Variants in DOT1L observed in about 807,000 individuals in gnomAD.
DOT1L encodes DOT1 like histone lysine methyltransferase.
DOT1L carries 33 observed loss-of-function variants against 153.3 expected under a neutral mutation model. That is an observed-to-expected ratio of 0.22 (90% CI 0.16 to 0.29). The LOEUF is 0.29. Ranked by LOEUF, DOT1L falls within the 10% of genes least tolerant of loss-of-function variation. The pLI is 1.00. For missense variants in DOT1L, 1,847 were observed against 2,119.9 expected (o/e 0.87, Z 2.53); for synonymous variants, 1,135 against 965.1 (o/e 1.18, Z -3.26).
intron 8 of DOT1L, 83 bp downstream of exon 8, chr19:2,200,022 G>A (rs769554256): frequency 2.0e-5 from 31 of 1,542,332 alleles, no homozygotes; most frequent in African/African-American, 4.1e-5. Context: ...GACCGGGAGC[G>A]GCCCCTCGCT....
In DOT1L at chr19:2,204,297, G is replaced by T. The variant is rs1401055251; in HGVS notation, c.787+1518G>T. On this transcript the variant is annotated intron_variant, in intron 9 of 27. Transcript: ENST00000398665. The surrounding 1 kb of genome is among the most constrained non-coding windows in gnomAD (Gnocchi z 5.7). ...TATGTGTCTGCTTGTTTGTCTGTGT[G>T]TGTGCATGCATGCCTGTGTCTCTCT... 2.0e-5 allele frequency among the ~76,000 whole-genome samples: 3 copies of T among 152,062 alleles called. No homozygotes were observed. The highest frequency in any genetic ancestry group is 4.4e-5 in the Non-Finnish European group (3 of 68,018).
At chr19:2,223,557 T>C in intron 25 of DOT1L, 71 bp downstream of exon 25, 1 of 14,468 alleles carries the variant, frequency 6.9e-5, no homozygotes, top group Non-Finnish European at 1.4e-4. Flanking sequence ...ACTGTGTGTG[T>C]GTGGGTGGGT....
Position 2,204,876 on chromosome 19 carries a change from T to C in DOT1L, c.788-1853T>C, listed in dbSNP as rs964034016. ...TTCCTGCTCCTCCTGAGGGGAGTGG[T>C]GTGTAGAATGCCAGGCCTGGGCTGG... is the stretch of plus-strand genomic sequence containing the variant. On this transcript the variant is annotated intron_variant, in intron 9 of 27. Transcript: ENST00000398665. The surrounding 1 kb of genome is among the most constrained non-coding windows in gnomAD (Gnocchi z 5.7). Among the ~76,000 whole-genome samples, 2 of 151,952 alleles carry C rather than the reference T, an allele frequency of 1.3e-5. No homozygotes were observed. The highest frequency in any genetic ancestry group is 4.8e-5 in the African/African-American group (2 of 41,348).
rs2019824624 is a variant in DOT1L at position 2,164,332 on chromosome 19, CA to C, written c.81+70del. 4.5e-6 allele frequency: 5 copies of C among 1,121,508 alleles called. No individual in the cohort carries two copies. In the African/African-American group the frequency reaches 8.1e-5, roughly 18 times the overall value. The allele number at this position is 1,121,508 out of a possible 1,614,324, so 69.5% of individuals were successfully genotyped here. A position where few individuals can be genotyped will look rare whatever the true frequency, so the allele number is the denominator to read the frequency against. ...TCCTCCGCCGCCCCTGGGGACACCC[CA>C]AACCCCCCCAAGCCGCGCTCACCGG... On this transcript the variant is annotated intron_variant, in intron 1 of 27. Transcript: ENST00000398665.
chr19:2,173,156 T>G (rs2021736661), intron 1 of DOT1L, among the ~76,000 whole-genome samples: 1 of 152,110 alleles, frequency 6.6e-6, no homozygotes, highest in Non-Finnish European at 1.5e-5. Context: ...CGTTTTTCCC[T>G]GCATGGAGGC....
At chr19:2,183,733 T>C (rs1286708522) in intron 2 of DOT1L, among the ~76,000 whole-genome samples, 2 of 151,956 alleles carry the variant, frequency 1.3e-5, no homozygotes, top group Non-Finnish European at 2.9e-5. Context: ...TTCAAGTGAT[T>C]CTTCTTCCTC....
intron 26 of DOT1L, 56 bp from the exon 27 acceptor site, chr19:2,226,127 T>C (rs2024319167): frequency 1.4e-6 from 2 of 1,477,574 alleles, no homozygotes; most frequent in Admixed American, 4.9e-5. Flanking sequence ...GTTAGCCTCA[T>C]GGGTAGCCCG....
Position 2,229,995 on chromosome 19 carries a change from A to AT in DOT1L, c.*206dup, listed in dbSNP as rs2024528964. 2 of 771,536 alleles carry AT rather than the reference A, an allele frequency of 2.6e-6. No individual in the cohort carries two copies. Among genetic ancestry groups the AT allele is most frequent in the Non-Finnish European group, 4.1e-6 (2 of 493,680 alleles). 47.8% of individuals were successfully genotyped at this position (771,536 alleles called of 1,614,324 possible). A position where few individuals can be genotyped will look rare whatever the true frequency, so the allele number is the denominator to read the frequency against. On this transcript the variant is annotated 3_prime_UTR_variant, in exon 28 of 28. Transcript: ENST00000398665. Reference sequence around the variant, plus strand: ...TACTGTCGATAGTTTTAGATAAAGTATTTATCATTTTTTAAAAAGTATAAA... The same window carrying AT: ...TACTGTCGATAGTTTTAGATAAAGTATTTTATCATTTTTTAAAAAGTATAAA...
rs1000769823 is a variant in DOT1L at position 2,216,702 on chromosome 19, G to A, written c.2345G>A (p.Arg782Lys). The A allele has an allele frequency of 6.2e-7, 1 of 1,602,230 alleles. No individual in the cohort carries two copies. ...CTGTCCCCGGCCAAGATTGTGCTGA[G>A]GCGGCACCTGAGCCAGGACCACACG... ...TRLSPAKIVL[R>K]RHLSQDHTVP... The change falls in exon 20 of 28, where the codon AGG (arginine) becomes AAG (lysine). Residue 782 changes from arginine (R) to lysine (K), a missense_variant. Transcript: ENST00000398665.
At chr19:2,186,181 C>A (rs2022498825) in intron 3 of DOT1L, among the ~76,000 whole-genome samples, 1 of 152,262 alleles carries the variant, frequency 6.6e-6, no homozygotes. Flanking sequence ...TGTGTGGAGT[C>A]AGCCCGCGCT....
intron 1 of DOT1L, among the ~76,000 whole-genome samples, chr19:2,165,212 G>T (rs1287016769): frequency 1.4e-4 from 21 of 152,328 alleles, no homozygotes; most frequent in African/African-American, 3.8e-4. Flanking sequence ...CAGCGAGCGT[G>T]TCCGGGGCGC....
chr19:2,226,140 C>T, intron 26 of DOT1L, 43 bp from the exon 27 acceptor site: 2 of 1,487,564 alleles, frequency 1.3e-6, no homozygotes, highest in Non-Finnish European at 8.9e-7. Context: ...GTAGCCCGGG[C>T]AGGTGCTCTG....
chr19:2,214,065 G>A, intron 18 of DOT1L, 79 bp downstream of exon 18: 4 of 1,524,936 alleles, frequency 2.6e-6, no homozygotes, highest in South Asian at 2.4e-5. Flanking sequence ...GTGCGGGTGG[G>A]AGGCTCTGGA....
In DOT1L at chr19:2,210,567, C is replaced by T. The variant is rs913857561; in HGVS notation, c.1117-54C>T. 5.6e-6 allele frequency: 9 copies of T among 1,595,818 alleles called. No individual in the cohort carries two copies. The African/African-American group carries it at 9.4e-5, about 17-fold the overall frequency. Reference sequence around the variant, plus strand: ...GGGCACCCGCCCCCTGCCCGGGAGACCCCATGGGTGGGAGGCTCTGTGCCC... The same window carrying T: ...GGGCACCCGCCCCCTGCCCGGGAGATCCCATGGGTGGGAGGCTCTGTGCCC... On this transcript the variant is annotated intron_variant, in intron 13 of 27. Transcript: ENST00000398665.
At chr19:2,167,165 G>A (rs1166359627) in intron 1 of DOT1L, among the ~76,000 whole-genome samples, 1 of 152,152 alleles carries the variant, frequency 6.6e-6, no homozygotes. Context: ...AACACCACTG[G>A]CGGGATTTTT....
intron 7 of DOT1L, among the ~76,000 whole-genome samples, chr19:2,196,507 A>G (rs969513059): frequency 1.3e-5 from 2 of 152,078 alleles, no homozygotes; most frequent in South Asian, 4.2e-4. Flanking sequence ...TAATTTTTGT[A>G]TTTTTAGTAG....
intron 25 of DOT1L, among the ~76,000 whole-genome samples, chr19:2,224,707 TTCTGCCTCCC>T (rs2024258811): frequency 2.0e-5 from 3 of 152,304 alleles, no homozygotes; most frequent in South Asian, 4.1e-4. Context: ...GCCTCAAGCC[TTCTGCCTCCC>T]AGTGCCTCCC....
chr19:2,189,874 T>C, intron 4 of DOT1L, 79 bp downstream of exon 4: 1 of 1,497,888 alleles, frequency 6.7e-7, no homozygotes, highest in Non-Finnish European at 9.2e-7. Context: ...TGTCACCGCC[T>C]CGGGGCACAG....
intron 1 of DOT1L, among the ~76,000 whole-genome samples, chr19:2,179,659 T>C (rs1356940447): frequency 1.3e-5 from 2 of 152,092 alleles, no homozygotes; most frequent in African/African-American, 4.8e-5. Flanking sequence ...AATACAAAGT[T>C]AGCCAGGCGT....
Sources: allele counts gnomAD v4.1 joint callset (sites outside exome capture counted in the v4.1 genomes callset), GRCh38; gene constraint gnomAD v4.1.1; non-coding constraint Gnocchi (gnomAD v3.1); transcripts MANE v1.5; gene names NCBI Gene and HGNC (gene_info 2026-07-23, HGNC 2026-07-21).